EPB41L3: variants seen among roughly 807,000 people sequenced by gnomAD.
EPB41L3 encodes band 4.1-like protein 3.
In EPB41L3, 57 loss-of-function variants were observed where a neutral mutation model predicts 127.1. The observed-to-expected ratio is 0.45, with a 90% CI of 0.36 to 0.56. EPB41L3 has a LOEUF of 0.56. EPB41L3 is among the 20% of genes least tolerant of loss of function. The pLI, the probability that EPB41L3 is intolerant of heterozygous loss-of-function variation, is 0.00. For synonymous variants in EPB41L3, 572 were observed against 549.5 expected, an observed-to-expected ratio of 1.04 and a Z score of -0.57; for missense variants, 1,273 against 1,372.2, an observed-to-expected ratio of 0.93 and a Z score of 1.14.
At chr18:5,505,750 A>C (rs1353492457) in intron 1 of EPB41L3, among the ~76,000 whole-genome samples, 3 of 61,746 alleles carry the variant, frequency 4.9e-5, no homozygotes, top group Admixed American at 1.8e-4. Context: ...CTTCACCTCC[A>C]CCCCTTCCCT....
At chr18:5,470,322 A>T (rs2085880959) in intron 3 of EPB41L3, among the ~76,000 whole-genome samples, 1 of 152,248 alleles carries the variant, frequency 6.6e-6, no homozygotes, top group Non-Finnish European at 1.5e-5. Flanking sequence ...TTTGGTCTTC[A>T]GTGCCTGGAA....
chr18:5,422,537 T>C (rs1004477727), intron 11 of EPB41L3, among the ~76,000 whole-genome samples: 9 of 152,212 alleles, frequency 5.9e-5, no homozygotes, highest in Non-Finnish European at 1.0e-4. Context: ...TCTTTTTATT[T>C]GCACAGGATA....
intron 11 of EPB41L3, among the ~76,000 whole-genome samples, chr18:5,421,317 G>A (rs1296031806): frequency 6.6e-6 from 1 of 151,048 alleles, no homozygotes; most frequent in African/African-American, 2.4e-5. Context: ...GAAAAAAAAA[G>A]TGCGATTCTA....
chr18:5,394,971 A>G, intron 21 of EPB41L3, 96 bp downstream of exon 21: 1 of 1,326,090 alleles, frequency 7.5e-7, no homozygotes, highest in Non-Finnish European at 1.1e-6. Context: ...TTTCTTCGGA[A>G]TACATGCTGG....
chr18:5,577,127 A>C (rs1372239804), intron 3 of EPB41L3, among the ~76,000 whole-genome samples: 1 of 152,256 alleles, frequency 6.6e-6, no homozygotes, highest in Non-Finnish European at 1.5e-5. Flanking sequence ...AAATCAGAGA[A>C]AAACTAGAGA....
At chr18:5,443,403 T>C (rs781530677) in intron 5 of EPB41L3, among the ~76,000 whole-genome samples, 26 of 152,254 alleles carry the variant, frequency 1.7e-4, no homozygotes, top group Non-Finnish European at 7.3e-5. Flanking sequence ...TTAAAATACG[T>C]ATTTTTCAAA....
Position 5,506,707 on chromosome 18 carries a change from T to C in EPB41L3, c.-11-17513A>G, listed in dbSNP as rs372786657. ...TATCCCAGGCATCTAGAATAGTGCA[T>C]GGCATGTAGTGGGTGCTCAAAGAGT... is the stretch of plus-strand genomic sequence containing the variant. On this transcript the variant is annotated intron_variant, in intron 1 of 22. Coordinates refer to ENST00000341928, the MANE Select transcript of EPB41L3 (RefSeq NM_012307.5). Among the ~76,000 whole-genome samples the C allele has an allele frequency of 4.6e-5, 7 of 152,310 alleles. No homozygotes were observed. In the East Asian group the frequency reaches 1.2e-3, roughly 25 times the overall value.
intron 3 of EPB41L3, among the ~76,000 whole-genome samples, chr18:5,559,823 A>G (rs933691784): frequency 1.3e-5 from 2 of 152,218 alleles, no homozygotes; most frequent in Non-Finnish European, 2.9e-5. Context: ...TCCAAATAAA[A>G]TCTTTTTCAT....
At chr18:5,617,389 G>A (rs994438384) in intron 1 of EPB41L3, among the ~76,000 whole-genome samples, 4 of 149,130 alleles carry the variant, frequency 2.7e-5, no homozygotes, top group Non-Finnish European at 5.9e-5. Flanking sequence ...TGCCATCTCC[G>A]CTCACTGCAA....
At chr18:5,610,142 AC>A in intron 3 of EPB41L3, 1 of 985,444 alleles carries the variant, frequency 1.0e-6, no homozygotes, top group Non-Finnish European at 1.2e-6. Context: ...TTCAGGACTC[AC>A]CCACATTATC....
chr18:5,577,689 A>G (rs538554244), intron 3 of EPB41L3: 1 of 159,768 alleles, frequency 6.3e-6, no homozygotes, highest in Non-Finnish European at 1.4e-5. Context: ...GCAGCAGAGA[A>G]ACAGAAAACC....
At chr18:5,446,834 C>T (rs545541608) in intron 3 of EPB41L3, among the ~76,000 whole-genome samples, 91 of 152,280 alleles carry the variant, frequency 6.0e-4, no homozygotes, top group Non-Finnish European at 5.9e-4. Context: ...CATTGCTCAT[C>T]GGCTATGAAT....
At chr18:5,586,055 A>G (rs2094439205) in intron 3 of EPB41L3, among the ~76,000 whole-genome samples, 2 of 152,088 alleles carry the variant, frequency 1.3e-5, no homozygotes, top group Admixed American at 6.5e-5. Flanking sequence ...CTCAACACCA[A>G]TGTCAGTTTC....
intron 3 of EPB41L3, among the ~76,000 whole-genome samples, chr18:5,554,812 T>A (rs1368201845): frequency 6.6e-6 from 1 of 152,220 alleles, no homozygotes; most frequent in Non-Finnish European, 1.5e-5. Flanking sequence ...GTACAAACAA[T>A]GGCAGTGACC....
At position 5,406,883 on chromosome 18, in the gene EPB41L3, T is replaced by C. The variant is rs568064312; in HGVS notation, c.2243A>G (p.Asp748Gly). 3 of 1,614,206 alleles carry C rather than the reference T, an allele frequency of 1.9e-6. No homozygotes were observed. The South Asian group carries it at 3.3e-5, about 18-fold the overall frequency. Residue 748 changes from aspartate (D) to glycine (G), a missense_variant, in exon 16 of 23, where the codon GAC becomes GGC. By Grantham distance (94) the Asp-to-Gly change is moderately conservative. Around this residue, in one of 3 missense-constraint regions of EPB41L3, gnomAD observed 765 missense variants for 782.9 expected, o/e 0.98. Coordinates refer to ENST00000341928, the MANE Select transcript of EPB41L3 (RefSeq NM_012307.5). ...LKRTFLETST[D>G]TAVTNEWEKR... ...CTCCCATTCATTCGTTACGGCAGTGTCTGTTGAGGTTTCTAAGAAGGTTCT... is the reference window on the plus strand; with the variant it reads ...CTCCCATTCATTCGTTACGGCAGTGCCTGTTGAGGTTTCTAAGAAGGTTCT...
At chr18:5,473,229 TA>T (rs1192165396) in intron 3 of EPB41L3, among the ~76,000 whole-genome samples, 1 of 152,106 alleles carries the variant, frequency 6.6e-6, no homozygotes. Context: ...CTGGGTCCTA[TA>T]AGCAGTAAAT....
chr18:5,496,265 A>G (rs1446127586), intron 1 of EPB41L3, among the ~76,000 whole-genome samples: 1 of 152,252 alleles, frequency 6.6e-6, no homozygotes, highest in Non-Finnish European at 1.5e-5. Flanking sequence ...CATCCACCTT[A>G]CCACTATATG....
intron 2 of EPB41L3, among the ~76,000 whole-genome samples, chr18:5,485,393 T>C (rs1052926410): frequency 7.2e-5 from 11 of 151,906 alleles, no homozygotes; most frequent in African/African-American, 2.7e-4. Context: ...TAGCATTGTA[T>C]TGAATTGTGA....
At chr18:5,444,433 C>T (rs1409205541) in intron 4 of EPB41L3, among the ~76,000 whole-genome samples, 2 of 152,186 alleles carry the variant, frequency 1.3e-5, no homozygotes, top group East Asian at 1.9e-4. Context: ...ATTTATGGCA[C>T]AACACCAAAA....
Sources: gnomAD v4.1 joint callset for allele counts (sites outside exome capture counted in the v4.1 genomes callset) on GRCh38, gnomAD v4.1.1 for gene constraint, gnomAD v4.1.1 regional missense constraint, MANE v1.5 for transcripts, NCBI Gene and HGNC (gene_info 2026-07-23, HGNC 2026-07-21) for gene names.